Variants in SYNPO2 observed in about 807,000 individuals in gnomAD.
The protein encoded by SYNPO2 is synaptopodin-2.
A neutral mutation model predicts 85.0 loss-of-function variants in SYNPO2; 56 were observed. The observed-to-expected ratio is 0.66, with a 90% CI of 0.53 to 0.82. SYNPO2 has a LOEUF of 0.82. Among genes scored for constraint, SYNPO2 ranks in the 40% least tolerant of loss-of-function variants. SYNPO2 has a pLI of 0.00. For synonymous variants in SYNPO2, 602 were observed against 591.1 expected (o/e 1.02, Z -0.27); for missense variants, 1,575 against 1,534.2 (o/e 1.03, Z -0.44).
At chr4:118,876,671 TTC>T (rs1191808940) in intron 1 of SYNPO2, among the ~76,000 whole-genome samples, 3 of 2,080 alleles carry the variant, frequency 1.4e-3, no homozygotes, top group East Asian at 7.1e-3. Flanking sequence ...TCCTTTCTCT[TTC>T]TTTCTTTCTT....
At chr4:119,035,066 T>A in intron 4 of SYNPO2, 1 of 985,438 alleles carries the variant, frequency 1.0e-6, no homozygotes, top group South Asian at 4.7e-5. Flanking sequence ...CATTTACGAG[T>A]TCCTATGTTA....
intron 1 of SYNPO2, among the ~76,000 whole-genome samples, chr4:118,986,111 C>T (rs574762075): frequency 6.6e-6 from 1 of 152,266 alleles, no homozygotes; most frequent in South Asian, 2.1e-4. Flanking sequence ...ATCCCCAACC[C>T]CCAGCATAAA....
intron 1 of SYNPO2, among the ~76,000 whole-genome samples, chr4:118,938,977 T>G (rs978817653): frequency 2.6e-5 from 4 of 152,214 alleles, no homozygotes; most frequent in African/African-American, 9.6e-5. Flanking sequence ...ATGGAGGAGC[T>G]TTTTATACCT....
chr4:119,023,253 T>C (rs1027680257), intron 1 of SYNPO2, among the ~76,000 whole-genome samples, 177 bp from the exon 2 acceptor site: 1 of 152,208 alleles, frequency 6.6e-6, no homozygotes, highest in African/African-American at 2.4e-5. Context: ...TGATAAAGTG[T>C]GTGGCTGTGT....
chr4:118,941,280 TC>T (rs1734305969), intron 1 of SYNPO2, among the ~76,000 whole-genome samples: 2 of 152,316 alleles, frequency 1.3e-5, no homozygotes, highest in African/African-American at 4.8e-5. Flanking sequence ...TGAACATCTT[TC>T]CAGTTTGTCA....
At position 118,939,216 on chromosome 4, in the gene SYNPO2, A is replaced by G. The variant is rs562547607; in HGVS notation, c.105+50075A>G. 3.3e-5 allele frequency among the ~76,000 whole-genome samples: 5 copies of G among 152,346 alleles called. No individual in the cohort carries two copies. In the South Asian group the frequency reaches 1.0e-3, roughly 32 times the overall value. ...CATAGAGAAATGAAGACAAAAATAC[A>G]CTTTGGTCCTGTAATATTTATAGCA... On this transcript the variant is annotated intron_variant, in intron 1 of 4. Transcript: ENST00000307142.
At chr4:118,876,813 G>C (rs975996199) in intron 1 of SYNPO2, among the ~76,000 whole-genome samples, 8 of 138,680 alleles carry the variant, frequency 5.8e-5, no homozygotes, top group African/African-American at 2.2e-4. Context: ...CTTTTTGTTT[G>C]AGACAGGGTC....
chr4:119,037,446 A>T, intron 4 of SYNPO2: 1 of 1,109,252 alleles, frequency 9.0e-7, no homozygotes, highest in Non-Finnish European at 1.1e-6. Context: ...TAAATAACAA[A>T]AGCCATAGTG....
chr4:118,895,862 G>A (rs1732534904), intron 1 of SYNPO2, among the ~76,000 whole-genome samples: 1 of 152,138 alleles, frequency 6.6e-6, no homozygotes, highest in Non-Finnish European at 1.5e-5. Flanking sequence ...CAGTTAATTA[G>A]TGTTTAAGAA....
chr4:118,979,189 T>G (rs1286212590), intron 1 of SYNPO2, among the ~76,000 whole-genome samples: 1 of 152,200 alleles, frequency 6.6e-6, no homozygotes, highest in African/African-American at 2.4e-5. Context: ...CTGTCCAGAC[T>G]TGCCTTCTAC....
At chr4:118,898,267 T>A (rs368534677) in intron 1 of SYNPO2, among the ~76,000 whole-genome samples, 7 of 152,184 alleles carry the variant, frequency 4.6e-5, no homozygotes, top group African/African-American at 1.7e-4. Flanking sequence ...ACCTCCTCAG[T>A]AGCCCCTATT....
intron 1 of SYNPO2, among the ~76,000 whole-genome samples, chr4:118,968,687 G>A (rs1291667828): frequency 6.6e-6 from 1 of 152,166 alleles, no homozygotes; most frequent in Non-Finnish European, 1.5e-5. Flanking sequence ...GAGGAGTGAT[G>A]GGTCTTTTTT....
intron 1 of SYNPO2, among the ~76,000 whole-genome samples, chr4:118,956,919 C>T (rs1172552391): frequency 6.6e-6 from 1 of 151,914 alleles, no homozygotes; most frequent in Non-Finnish European, 1.5e-5. Flanking sequence ...GTGGTGGGTG[C>T]CTATAATCCC....
rs546248930 is a variant in SYNPO2 at position 119,060,994 on chromosome 4, A to C, written c.*3060A>C. 2 of 152,318 alleles carry C rather than the reference A, an allele frequency of 1.3e-5. No homozygotes were observed. Among genetic ancestry groups the C allele is most frequent in the South Asian group, 4.1e-4 (2 of 4,834 alleles). The allele number at this position is 152,318 out of a possible 1,614,324, so 9.4% of individuals were successfully genotyped here. A position where few individuals can be genotyped will look rare whatever the true frequency, so the allele number is the denominator to read the frequency against. On this transcript the variant is annotated 3_prime_UTR_variant, in exon 5 of 5. Transcript: ENST00000307142. ...TATGCAAAAAAAAAAAGTTATATCA[A>C]ACAGGCACAGTTATTACAACTAGAG...
At chr4:119,021,719 C>G (rs1249951231) in intron 1 of SYNPO2, among the ~76,000 whole-genome samples, 1 of 152,146 alleles carries the variant, frequency 6.6e-6, no homozygotes, top group Non-Finnish European at 1.5e-5. Flanking sequence ...ACCCAGAAAT[C>G]CAGAGATTGA....
chr4:119,047,685 C>A (rs188138511), intron 4 of SYNPO2, among the ~76,000 whole-genome samples: 330 of 152,260 alleles, frequency 2.2e-3, no homozygotes, highest in African/African-American at 7.3e-3. Flanking sequence ...GTATCTAAAC[C>A]ACCTCAAGGG....
intron 1 of SYNPO2, among the ~76,000 whole-genome samples, chr4:118,939,169 C>T (rs761909806): frequency 2.1e-4 from 32 of 152,324 alleles, no homozygotes; most frequent in Middle Eastern, 3.4e-3. Flanking sequence ...TGTGTGTGCA[C>T]AGTTGGTTTA....
At chr4:118,882,661 CTT>C (rs1421489298) in intron 1 of SYNPO2, among the ~76,000 whole-genome samples, 1 of 152,082 alleles carries the variant, frequency 6.6e-6, no homozygotes, top group African/African-American at 2.4e-5. Flanking sequence ...GAAAATGAAA[CTT>C]TTAATAGACA....
intron 1 of SYNPO2, among the ~76,000 whole-genome samples, chr4:118,859,370 T>G (rs941207154): frequency 6.6e-6 from 1 of 152,180 alleles, no homozygotes; most frequent in Non-Finnish European, 1.5e-5. Flanking sequence ...CACATCAGGG[T>G]AAATGGGGTA....
Sources: gnomAD v4.1 joint callset for allele counts (sites outside exome capture counted in the v4.1 genomes callset) on GRCh38, gnomAD v4.1.1 for gene constraint, MANE v1.5 for transcripts, NCBI Gene and HGNC (gene_info 2026-07-23, HGNC 2026-07-21) for gene names.